The following NUP37 variants were observed in gnomAD, a reference collection of about 807,000 sequenced individuals.
NUP37 encodes nucleoporin 37, also known as nucleoporin Nup37.
In NUP37, 33 loss-of-function variants were observed where a neutral mutation model predicts 45.4. The observed-to-expected ratio is 0.73, with a 90% confidence interval of 0.55 to 0.97. The LOEUF is 0.97. NUP37 is among the 50% of genes least tolerant of loss of function. The probability of loss-of-function intolerance (pLI) is 0.00; values close to 1 mark genes in which losing one functional copy is unlikely to be tolerated. For missense variants in NUP37, 365 were observed against 389.7 expected, an observed-to-expected ratio of 0.94 and a Z score of 0.53; for synonymous variants, 127 against 130.7, an observed-to-expected ratio of 0.97 and a Z score of 0.19.
intron 3 of NUP37, among the ~76,000 whole-genome samples, chr12:102,102,488 T>C (rs1428014218): frequency 6.6e-6 from 1 of 152,252 alleles, no homozygotes; most frequent in Non-Finnish European, 1.5e-5. Flanking sequence ...TTGAGTTCCC[T>C]ACATATTGTT....
chr12:102,116,003 T>C (rs1880450532), intron 2 of NUP37: 1 of 164,252 alleles, frequency 6.1e-6, no homozygotes, highest in Non-Finnish European at 1.3e-5. Flanking sequence ...TTGTGTTTAC[T>C]ATTGTCCAAA....
chr12:102,102,210 G>A (rs1879990572), intron 3 of NUP37, among the ~76,000 whole-genome samples: 1 of 152,140 alleles, frequency 6.6e-6, no homozygotes. Flanking sequence ...TGAGTACAGT[G>A]AGCCATTTTT....
At chr12:102,116,561 G>C (rs1880468693) in intron 2 of NUP37, among the ~76,000 whole-genome samples, 1 of 152,158 alleles carries the variant, frequency 6.6e-6, no homozygotes, top group African/African-American at 2.4e-5. Context: ...AATAGGCTAG[G>C]AGCTGTCATA....
At position 102,112,214 on chromosome 12, in the gene NUP37, C is replaced by T; in HGVS notation, c.175G>A (p.Glu59Lys). The change falls in exon 3 of 10, where the codon GAA becomes AAA. Residue 59 changes from glutamate (E) to lysine (K), a missense_variant. Physicochemically the swap from Glu to Lys is moderately conservative, Grantham distance 56. Coordinates refer to ENST00000552283, the MANE Select transcript of NUP37 (RefSeq NM_024057.4). Reference protein sequence around the residue: ...CTFQEEEADVEGIQYKTLRTF... With the variant: ...CTFQEEEADVKGIQYKTLRTF... ...CGAAGTGTTTTATACTGAATGCCTT[C>T]AACGTCTGCTTCTTCTTCCTAAGCA... 6.2e-7 allele frequency: 1 copy of T among 1,612,880 alleles called. No homozygotes were observed. The highest frequency in any genetic ancestry group is 8.5e-7 in the Non-Finnish European group (1 of 1,179,098).
chr12:102,098,693 G>A (rs1032518445), intron 5 of NUP37, among the ~76,000 whole-genome samples: 2 of 152,206 alleles, frequency 1.3e-5, no homozygotes, highest in Non-Finnish European at 2.9e-5. Context: ...TACCGTGCCT[G>A]GCTAATTTTT....
At chr12:102,094,805 C>T (rs968263866) in intron 5 of NUP37, among the ~76,000 whole-genome samples, 2 of 152,022 alleles carry the variant, frequency 1.3e-5, no homozygotes, top group African/African-American at 2.4e-5. Context: ...TAGAACATGA[C>T]AACTACAAAT....
chr12:102,076,525 G>A (rs758495238), intron 8 of NUP37, among the ~76,000 whole-genome samples: 7 of 152,132 alleles, frequency 4.6e-5, no homozygotes, highest in Non-Finnish European at 1.0e-4. Context: ...AGAACAATCA[G>A]GAAGCATAAT....
intron 3 of NUP37, 106 bp from the exon 4 acceptor site, chr12:102,101,210 C>T (rs527573012): frequency 1.8e-6 from 1 of 559,452 alleles, no homozygotes; most frequent in East Asian, 3.2e-5. Flanking sequence ...TTTATCATAA[C>T]TCATAATCAT....
chr12:102,085,131 C>G (rs1215280908), intron 6 of NUP37, among the ~76,000 whole-genome samples: 1 of 152,068 alleles, frequency 6.6e-6, no homozygotes, highest in Non-Finnish European at 1.5e-5. Context: ...CAAAAAACTG[C>G]CTACTGGGCC....
At chr12:102,115,277 G>A (rs992829682) in intron 2 of NUP37, among the ~76,000 whole-genome samples, 3 of 152,226 alleles carry the variant, frequency 2.0e-5, no homozygotes, top group Non-Finnish European at 4.4e-5. Context: ...TGTGCTGTCT[G>A]ATATGGTGGC....
At chr12:102,098,758 C>T (rs977722209) in intron 5 of NUP37, among the ~76,000 whole-genome samples, 2 of 152,208 alleles carry the variant, frequency 1.3e-5, no homozygotes, top group Non-Finnish European at 2.9e-5. Flanking sequence ...TCATTAACTC[C>T]TGACCTCAGG....
Position 102,085,760 on chromosome 12 carries a change from A to G in NUP37, c.540+6T>C. 7.1e-7 allele frequency: 1 copy of G among 1,405,932 alleles called. No homozygotes were observed. Among genetic ancestry groups the G allele is most frequent in the Non-Finnish European group, 9.9e-7 (1 of 1,009,374 alleles). 87.1% of individuals were successfully genotyped at this position (1,405,932 alleles called of 1,614,324 possible). On this transcript the variant is annotated splice_donor_region_variant and intron_variant, in intron 6 of 9. Transcript: ENST00000552283. ...TTGATAAGAGAGTTAAATTATAAAT[A>G]ATAACCTTAAAAGTCTCCTCAGGAT... is the stretch of plus-strand genomic sequence containing the variant.
chr12:102,112,931 AG>A (rs1378228442), intron 2 of NUP37, among the ~76,000 whole-genome samples: 1 of 152,186 alleles, frequency 6.6e-6, no homozygotes, highest in Non-Finnish European at 1.5e-5. Flanking sequence ...TGGCTAATTT[AG>A]TTTTAGATAT....
intron 6 of NUP37, among the ~76,000 whole-genome samples, chr12:102,081,996 C>T: frequency 6.6e-6 from 1 of 152,154 alleles, no homozygotes; most frequent in Middle Eastern, 3.2e-3. Flanking sequence ...CTGCTCCCGG[C>T]CACATTTAGC....
intron 7 of NUP37, 178 bp downstream of exon 7, chr12:102,077,144 G>GTAAATCTGCA (rs1323361740): frequency 6.0e-6 from 4 of 668,828 alleles, no homozygotes; most frequent in Non-Finnish European, 1.0e-5. Flanking sequence ...TACTCCCAGA[G>GTAAATCTGCA]TAAATCTGCA....
intron 2 of NUP37, among the ~76,000 whole-genome samples, chr12:102,116,100 A>G (rs1170913250): frequency 6.6e-6 from 1 of 152,226 alleles, no homozygotes; most frequent in Non-Finnish European, 1.5e-5. Flanking sequence ...CTGAGACAAT[A>G]CATGTGACCA....
chr12:102,113,624 C>A (rs893500729), intron 2 of NUP37, among the ~76,000 whole-genome samples: 8 of 152,084 alleles, frequency 5.3e-5, no homozygotes, highest in Non-Finnish European at 7.4e-5. Context: ...TAAAGAAGGC[C>A]AAATTTTCGC....
At chr12:102,096,612 T>C (rs1879809942) in intron 5 of NUP37, among the ~76,000 whole-genome samples, 1 of 152,186 alleles carries the variant, frequency 6.6e-6, no homozygotes, top group South Asian at 2.1e-4. Flanking sequence ...GGGTCTGCTC[T>C]TTACAGTACA....
Position 102,099,027 on chromosome 12 carries a change from A to AT in NUP37, c.449+78dup, listed in dbSNP as rs555244522. 2.3e-3 allele frequency: 2,150 copies of AT among 945,974 alleles called. 1 individual carries two copies. The highest frequency in any genetic ancestry group is 0.013 in the African/African-American group (803 of 60,228). The allele number at this position is 945,974 out of a possible 1,614,324, so 58.6% of individuals were successfully genotyped here. A position where few individuals can be genotyped will look rare whatever the true frequency, so the allele number is the denominator to read the frequency against. The stretch of plus-strand genomic sequence containing the variant: ...TCTATAGAATTTATGTAAAAGTCAC[A>AT]TTTTTTTTTCTCATTTTAAAAATGT... On this transcript the variant is annotated intron_variant, in intron 5 of 9. Coordinates refer to ENST00000552283, the MANE Select transcript of NUP37 (RefSeq NM_024057.4).
Sources: allele counts gnomAD v4.1 joint callset (sites outside exome capture counted in the v4.1 genomes callset), GRCh38; gene constraint gnomAD v4.1.1; transcripts MANE v1.5; gene names NCBI Gene and HGNC (gene_info 2026-07-23, HGNC 2026-07-21).